Variants in ARHGAP6 observed in about 807,000 individuals in gnomAD.
ARHGAP6 encodes Rho GTPase activating protein 6.
In ARHGAP6, 16 loss-of-function variants were observed where a neutral mutation model predicts 55.7. The ratio of observed to expected loss-of-function variants is 0.29; its 90% CI spans 0.19 to 0.44. ARHGAP6 has a LOEUF of 0.44. Ranked by LOEUF, ARHGAP6 falls within the 20% of genes least tolerant of loss-of-function variation. The pLI, the probability that ARHGAP6 is intolerant of heterozygous loss-of-function variation, is 1.00. For synonymous variants in ARHGAP6, 382 were observed against 360.9 expected (o/e 1.06, Z -0.66); for missense variants, 698 against 808.9 (o/e 0.86, Z 1.66).
chrX:11,254,580 C>T lies in ARHGAP6; in HGVS notation c.716G>A (p.Cys239Tyr), dbSNP rs2047466099. The change falls in exon 2 of 13, where the codon TGT becomes TAT. Residue 239 changes from cysteine (C) to tyrosine (Y), a missense_variant. By Grantham distance (194) the Cys-to-Tyr change is radical. Coordinates refer to ENST00000337414, the MANE Select transcript of ARHGAP6 (RefSeq NM_013427.3). ...EVAFYQLQQD[C>Y]DLSCQITIPK... is the part of the protein sequence containing the mutation. ...AATGGTGATCTGACAGCTCAGGTCA[C>T]AGTCCTGTTGCAACTGATAAAAAGC... 1 of 1,210,881 alleles carries T rather than the reference C, an allele frequency of 8.3e-7. No individual in the cohort carries two copies. Among genetic ancestry groups the T allele is most frequent in the African/African-American group, 1.7e-5 (1 of 57,570 alleles).
At chrX:11,290,490 C>CAAAAAAAAA in intron 1 of ARHGAP6, 1 of 177,258 alleles carries the variant, frequency 5.6e-6, no homozygotes, top group Non-Finnish European at 9.5e-6. Context: ...TCTACCCCAG[C>CAAAAAAAAA]AAAAAAAAAA....
intron 1 of ARHGAP6, among the ~76,000 whole-genome samples, chrX:11,549,832 GA>G (rs1179271853): frequency 8.9e-6 from 1 of 112,571 alleles, no homozygotes; most frequent in Non-Finnish European, 1.9e-5. Flanking sequence ...ACATTGCAGA[GA>G]CACCCAAGTG....
intron 1 of ARHGAP6, among the ~76,000 whole-genome samples, chrX:11,597,416 A>G (rs1167171984): frequency 8.9e-6 from 1 of 112,018 alleles, no homozygotes; most frequent in African/African-American, 3.2e-5. Context: ...ATATCTCAGT[A>G]GGAGTGAAGT....
intron 1 of ARHGAP6, among the ~76,000 whole-genome samples, chrX:11,601,844 C>T (rs181893526): frequency 4.5e-4 from 50 of 111,634 alleles, no homozygotes; most frequent in Admixed American, 1.7e-3. Context: ...ACATTGAGAA[C>T]AGAACTCTGA....
chrX:11,518,716 GCTGGTGCGCTGC>G (rs2050875528), intron 1 of ARHGAP6, among the ~76,000 whole-genome samples: 1 of 101,176 alleles, frequency 9.9e-6, no homozygotes, highest in African/African-American at 3.7e-5. Context: ...CATGTGCCAT[GCTGGTGCGCTGC>G]ACCCACTAAC....
intron 10 of ARHGAP6, among the ~76,000 whole-genome samples, chrX:11,149,232 A>G (rs1224834446): frequency 8.9e-6 from 1 of 112,017 alleles, no homozygotes; most frequent in Non-Finnish European, 1.9e-5. Context: ...GGCCTGATAA[A>G]AACATCTTCA....
At chrX:11,631,574 C>T (rs941853950) in intron 1 of ARHGAP6, among the ~76,000 whole-genome samples, 4 of 110,295 alleles carry the variant, frequency 3.6e-5, no homozygotes, top group African/African-American at 6.6e-5. Context: ...CTCCATAGCA[C>T]GACTCCCCAA....
rs1282092891 is a variant in ARHGAP6, at chrX:11,288,703, T to C, written c.589-33996A>G. Among the ~76,000 whole-genome samples the C allele has an allele frequency of 4.5e-5, 5 of 111,812 alleles. No individual in the cohort carries two copies. In the Admixed American group the frequency reaches 4.7e-4, roughly 11 times the overall value. On this transcript the variant is annotated intron_variant, in intron 1 of 12. Transcript: ENST00000337414. ...CCCTGGCAACCATGAATCTACTTTC[T>C]GTTTCTATGGATTTTGCCTATTCTT...
chrX:11,187,716 G>A (rs905297563), intron 4 of ARHGAP6, among the ~76,000 whole-genome samples: 4 of 111,882 alleles, frequency 3.6e-5, no homozygotes, highest in Admixed American at 1.9e-4. Context: ...ACAGCTGGAG[G>A]TGGCAAAAAT....
At chrX:11,601,937 A>G (rs983094123) in intron 1 of ARHGAP6, among the ~76,000 whole-genome samples, 19 of 111,917 alleles carry the variant, frequency 1.7e-4, no homozygotes, top group Non-Finnish European at 3.6e-4. Flanking sequence ...AGTACAAAAA[A>G]AGTAAGACAA....
At chrX:11,461,480 T>C (rs1361963746) in intron 1 of ARHGAP6, among the ~76,000 whole-genome samples, 1 of 111,902 alleles carries the variant, frequency 8.9e-6, no homozygotes, top group Admixed American at 9.4e-5. Context: ...GGGAGCTATC[T>C]GTGTTTGTCA....
chrX:11,493,159 T>G (rs758856179), intron 1 of ARHGAP6, among the ~76,000 whole-genome samples: 1 of 112,439 alleles, frequency 8.9e-6, no homozygotes, highest in South Asian at 3.7e-4. Context: ...CAATCCTAAC[T>G]TATATGCACA....
intron 1 of ARHGAP6, among the ~76,000 whole-genome samples, chrX:11,291,023 C>T (rs1228695610): frequency 8.9e-6 from 1 of 111,804 alleles, no homozygotes; most frequent in Non-Finnish European, 1.9e-5. Context: ...AACAGCAAAA[C>T]GTACTGGGCT....
At chrX:11,632,432 T>C (rs2052370792) in intron 1 of ARHGAP6, among the ~76,000 whole-genome samples, 3 of 112,396 alleles carry the variant, frequency 2.7e-5, no homozygotes, top group Admixed American at 9.4e-5. Context: ...TATTAAAACC[T>C]GCCTTTATGG....
chrX:11,293,970 A>G (rs1215689924), intron 1 of ARHGAP6, among the ~76,000 whole-genome samples: 1 of 112,520 alleles, frequency 8.9e-6, no homozygotes, highest in Non-Finnish European at 1.9e-5. Context: ...CAGTTTTCCC[A>G]GTAATTTGTG....
intron 1 of ARHGAP6, among the ~76,000 whole-genome samples, chrX:11,541,669 CTTGTCTTTG>C (rs2051159132): frequency 8.9e-6 from 1 of 112,283 alleles, no homozygotes; most frequent in Admixed American, 9.4e-5. Context: ...TGGCTTCTTA[CTTGTCTTTG>C]TTGCCCAAGA....
At chrX:11,236,741 A>G (rs1375489007) in intron 2 of ARHGAP6, among the ~76,000 whole-genome samples, 1 of 112,559 alleles carries the variant, frequency 8.9e-6, no homozygotes, top group Non-Finnish European at 1.9e-5. Context: ...AAATCAGAGA[A>G]TTAACGCAAA....
At chrX:11,149,470 G>A (rs1479979447) in intron 10 of ARHGAP6, among the ~76,000 whole-genome samples, 1 of 110,453 alleles carries the variant, frequency 9.1e-6, no homozygotes, top group African/African-American at 3.3e-5. Flanking sequence ...TGTTGGGGGA[G>A]GGGGGCAGGG....
chrX:11,414,422 G>C (rs767423046), intron 1 of ARHGAP6, among the ~76,000 whole-genome samples: 11 of 110,865 alleles, frequency 9.9e-5, no homozygotes, highest in African/African-American at 3.6e-4. Context: ...TTAGCTCATA[G>C]GAGACACAAA....
Sources: gnomAD v4.1 joint callset for allele counts (sites outside exome capture counted in the v4.1 genomes callset) on GRCh38, gnomAD v4.1.1 for gene constraint, MANE v1.5 for transcripts, NCBI Gene and HGNC (gene_info 2026-07-23, HGNC 2026-07-21) for gene names.